The following PAPLN variants were observed in gnomAD, a reference collection of about 807,000 sequenced individuals.
PAPLN encodes the protein papilin, proteoglycan like sulfated glycoprotein.
In PAPLN, 146 loss-of-function variants were observed where a neutral mutation model predicts 159.0. That is an observed-to-expected ratio of 0.92 (90% confidence interval 0.80 to 1.05). The LOEUF is 1.05. Ranked by LOEUF, PAPLN falls within the 50% of genes least tolerant of loss-of-function variation. PAPLN has a pLI of 0.00. For synonymous variants in PAPLN, 734 were observed against 702.9 expected (o/e 1.04, Z -0.70); for missense variants, 1,720 against 1,743.9 (o/e 0.99, Z 0.24).
At position 73,257,753 on chromosome 14, in the gene PAPLN, C is replaced by CTTTTTTTTTT. The variant is rs562890068; in HGVS notation, c.1628-1207_1628-1198dup. Among the ~76,000 whole-genome samples the CTTTTTTTTTT allele has an allele frequency of 4.2e-3, 382 of 91,228 alleles. 39 individuals carry two copies. The East Asian group carries it at 0.042, about 10-fold the overall frequency. 59.8% of individuals were successfully genotyped at this position (91,228 alleles called of 152,430 possible). A position where few individuals can be genotyped will look rare whatever the true frequency, so the allele number is the denominator to read the frequency against. ...GTTTTCATTATCTAGTCTCTTTCTT[C>CTTTTTTTTTT]TTTTTTTTTTTTTTTTTTTTTTTTT... is the stretch of plus-strand genomic sequence containing the variant. On this transcript the variant is annotated intron_variant, in intron 14 of 26. Coordinates refer to ENST00000644200, the MANE Select transcript of PAPLN (RefSeq NM_001365906.3).
chr14:73,245,482 C>T lies in PAPLN; in HGVS notation c.171-154C>T. On this transcript the variant is annotated intron_variant, in intron 3 of 26. Coordinates refer to ENST00000644200, the MANE Select transcript of PAPLN (RefSeq NM_001365906.3). The surrounding 1 kb of genome is among the most constrained non-coding windows in gnomAD (Gnocchi z 4.2). ...TACCAACATGGGTCGCTCACTCCCACCTGGGGGATTTACGGGGTGGGGTCG... is the reference window on the plus strand; with the variant it reads ...TACCAACATGGGTCGCTCACTCCCATCTGGGGGATTTACGGGGTGGGGTCG... 1 of 781,006 alleles carries T rather than the reference C, an allele frequency of 1.3e-6. No homozygotes were observed. The highest frequency in any genetic ancestry group is 2.6e-5 in the Admixed American group (1 of 37,778). 48.4% of individuals were successfully genotyped at this position (781,006 alleles called of 1,614,324 possible).
chr14:73,271,655 C>T (rs2140319393), intron 26 of PAPLN, among the ~76,000 whole-genome samples: 1 of 152,236 alleles, frequency 6.6e-6, no homozygotes, highest in Non-Finnish European at 1.5e-5. Flanking sequence ...GGGCACGCCA[C>T]CATGCCTGGC....
intron 5 of PAPLN, 86 bp downstream of exon 5, chr14:73,246,261 T>C: frequency 2.7e-6 from 3 of 1,118,594 alleles, no homozygotes; most frequent in East Asian, 2.9e-5. Context: ...TATAGAGGCG[T>C]TGTCATATAT....
rs80067651 is a variant in PAPLN at position 73,239,643 on chromosome 14, C to T, written c.-6-130C>T. The T allele has an allele frequency of 6.1e-4, 874 of 1,435,822 alleles. 5 individuals are homozygous for T. In the African/African-American group the frequency reaches 0.012, roughly 19 times the overall value. 88.9% of individuals were successfully genotyped at this position (1,435,822 alleles called of 1,614,324 possible). A position where few individuals can be genotyped will look rare whatever the true frequency, so the allele number is the denominator to read the frequency against. Reference sequence around the variant, plus strand: ...GTTCTCTGCGGTGCACCGAGGCGCACCCGGCTGTCCTGTTGCGGGTCTCCT... The same window carrying T: ...GTTCTCTGCGGTGCACCGAGGCGCATCCGGCTGTCCTGTTGCGGGTCTCCT... On this transcript the variant is annotated intron_variant, in intron 1 of 26. Coordinates refer to ENST00000644200, the MANE Select transcript of PAPLN (RefSeq NM_001365906.3).
At chr14:73,250,803 A>T in intron 6 of PAPLN, 104 bp from the exon 7 acceptor site, 1 of 1,379,556 alleles carries the variant, frequency 7.2e-7, no homozygotes, top group South Asian at 1.6e-5. Context: ...CGACCACCCT[A>T]TCCTGCCTGG....
intron 25 of PAPLN, 81 bp downstream of exon 25, chr14:73,266,912 G>A (rs1887270045): frequency 1.5e-6 from 2 of 1,324,342 alleles, no homozygotes; most frequent in East Asian, 2.5e-5. Context: ...TGCCAGGGAT[G>A]TCACTGTCAC....
intron 2 of PAPLN, among the ~76,000 whole-genome samples, chr14:73,242,052 G>C (rs1044107183): frequency 6.6e-6 from 1 of 152,226 alleles, no homozygotes; most frequent in Non-Finnish European, 1.5e-5. Flanking sequence ...GCCATGTCGG[G>C]CAGTTCACGG....
At position 73,245,663 on chromosome 14, in the gene PAPLN, C is replaced by T. The variant is rs746011326; in HGVS notation, c.198C>T (p.Gly66=). The T allele has an allele frequency of 2.0e-5, 31 of 1,558,058 alleles. No individual in the cohort carries two copies. In the Admixed American group the frequency reaches 4.9e-4, roughly 25 times the overall value. ...QRRDGGSSCV[G]PARSHRSCRT... is the part of the protein sequence containing the mutation. The stretch of plus-strand genomic sequence containing the variant: ...GAGATGGAGGCTCCAGCTGCGTGGG[C>T]CCCGCCCGGAGCCACCGCTCTTGTC... Residue 66 remains glycine (G), a synonymous_variant, in exon 4 of 27, where the codon GGC becomes GGT. Coordinates refer to ENST00000644200, the MANE Select transcript of PAPLN (RefSeq NM_001365906.3). This position sits in a 1 kb window ranked among gnomAD's most constrained non-coding sequence, Gnocchi z 4.2.
At chr14:73,254,785 C>T in intron 13 of PAPLN, 90 bp downstream of exon 13, 1 of 1,589,578 alleles carries the variant, frequency 6.3e-7, no homozygotes, top group Non-Finnish European at 8.6e-7. Flanking sequence ...CTGACACGCG[C>T]CACTGGGCAC....
chr14:73,240,644 A>C (rs1262004232), intron 2 of PAPLN, among the ~76,000 whole-genome samples: 1 of 152,014 alleles, frequency 6.6e-6, no homozygotes, highest in African/African-American at 2.4e-5. Flanking sequence ...GCTAGTGGCT[A>C]CTGTATTGGA....
In PAPLN at chr14:73,251,722, C is replaced by A. The variant is rs775111763; in HGVS notation, c.729C>A (p.Ala243=). ...YLNGHWTIEA[A]RALPAASTIL... is the part of the protein sequence containing the mutation. ...ATGGGCACTGGACCATCGAGGCGGC[C>A]CGGGCCCTGCCAGCAGCCAGCACCA... The change falls in exon 9 of 27, where the codon GCC becomes GCA. Residue 243 remains alanine, a synonymous_variant. Transcript: ENST00000644200. 19 of 1,613,144 alleles carry A rather than the reference C, an allele frequency of 1.2e-5. No homozygotes were observed. Among genetic ancestry groups the A allele is most frequent in the South Asian group, 5.5e-5 (5 of 91,090 alleles).
intron 5 of PAPLN, 115 bp downstream of exon 5, chr14:73,246,290 C>T (rs1330723995): frequency 4.3e-6 from 4 of 919,684 alleles, no homozygotes; most frequent in South Asian, 4.1e-5. Context: ...TAGAGACAGT[C>T]TCACTGTGTT....
chr14:73,239,697 C>G, intron 1 of PAPLN, 76 bp from the exon 2 acceptor site: 2 of 1,529,008 alleles, frequency 1.3e-6, no homozygotes, highest in East Asian at 4.9e-5. Flanking sequence ...GGGAGAGACG[C>G]GCCCACACAC....
chr14:73,264,915 G>A (rs894386738), intron 22 of PAPLN, among the ~76,000 whole-genome samples, 189 bp downstream of exon 22: 42 of 152,228 alleles, frequency 2.8e-4, no homozygotes, highest in African/African-American at 8.2e-4. Context: ...TTCTGGGAAC[G>A]GTGCAGTTCT....
At chr14:73,260,582 A>G (rs1594815527) in intron 16 of PAPLN, 127 bp from the exon 17 acceptor site, 20 of 1,224,870 alleles carry the variant, frequency 1.6e-5, no homozygotes, top group Non-Finnish European at 2.1e-5. Context: ...ACACGGGGAC[A>G]CGTCCTCTCC....
rs867933471 is a variant in PAPLN at position 73,248,075 on chromosome 14, C to G, written c.334+1900C>G. Among the ~76,000 whole-genome samples the G allele has an allele frequency of 4.4e-3, 202 of 45,594 alleles. 13 individuals are homozygous for G. Among genetic ancestry groups the G allele is most frequent in the African/African-American group, 0.029 (185 of 6,390 alleles). The allele number at this position is 45,594 out of a possible 152,430, so 29.9% of individuals were successfully genotyped here. A position where few individuals can be genotyped will look rare whatever the true frequency, so the allele number is the denominator to read the frequency against. ...TGGCCCAGTGGGAGTCTCATATCCT[C>G]TGTGTGTGTGTGTGTGTGTGTGTGT... On this transcript the variant is annotated intron_variant, in intron 5 of 26. Transcript: ENST00000644200.
In PAPLN at chr14:73,264,190, C is replaced by T. The variant is rs780278900; in HGVS notation, c.2862-21C>T. On this transcript the variant is annotated intron_variant, in intron 20 of 26. Coordinates refer to ENST00000644200, the MANE Select transcript of PAPLN (RefSeq NM_001365906.3). The stretch of plus-strand genomic sequence containing the variant: ...CCCTTGGGAGCCCAGAGCTCATGTC[C>T]TCCCACACCACCCCACTCAGGCACA... The T allele has an allele frequency of 3.7e-6, 6 of 1,612,910 alleles. No individual in the cohort carries two copies. In the South Asian group the frequency reaches 6.6e-5, roughly 18 times the overall value.
At position 73,265,307 on chromosome 14, in the gene PAPLN, C is replaced by A; in HGVS notation, c.3126-63C>A. 1 of 1,575,178 alleles carries A rather than the reference C, an allele frequency of 6.3e-7. No homozygotes were observed. The highest frequency in any genetic ancestry group is 1.1e-5 in the South Asian group (1 of 87,246). ...GGGCCACCAGGCTTGTGCAGAGGTG[C>A]CCATGGGAGTAGGCGGGGGCAACGG... On this transcript the variant is annotated intron_variant, in intron 22 of 26. Transcript: ENST00000644200. This position sits in a 1 kb window ranked among gnomAD's most constrained non-coding sequence, Gnocchi z 4.1.
In PAPLN at chr14:73,246,058, C is replaced by A. The variant is rs1353249374; in HGVS notation, c.232-15C>A. On this transcript the variant is annotated splice_polypyrimidine_tract_variant and intron_variant, in intron 4 of 26. Coordinates refer to ENST00000644200, the MANE Select transcript of PAPLN (RefSeq NM_001365906.3). ...CTCCGCCCTCCTGGATCCCGACTTC[C>A]CCTCCGCCCCGCAGAGCTGCCCCGA... 1 of 1,524,420 alleles carries A rather than the reference C, an allele frequency of 6.6e-7. No homozygotes were observed. Among genetic ancestry groups the A allele is most frequent in the Non-Finnish European group, 8.8e-7 (1 of 1,139,910 alleles). The allele number at this position is 1,524,420 out of a possible 1,614,324, so 94.4% of individuals were successfully genotyped here.
Sources: gnomAD v4.1 joint callset for allele counts (sites outside exome capture counted in the v4.1 genomes callset) on GRCh38, gnomAD v4.1.1 for gene constraint, Gnocchi (gnomAD v3.1) non-coding constraint, MANE v1.5 for transcripts, NCBI Gene and HGNC (gene_info 2026-07-23, HGNC 2026-07-21) for gene names.